Variants in MCTP2 observed in about 807,000 individuals in gnomAD.
MCTP2 encodes the protein multiple C2 and transmembrane domain containing 2, also known as multiple C2 and transmembrane domain-containing protein 2.
Under a neutral mutation model 111.6 loss-of-function variants are expected in MCTP2, and 132 were observed. The observed-to-expected ratio is 1.18, with a 90% CI of 1.03 to 1.37. The LOEUF (loss-of-function observed/expected upper bound fraction) is 1.37. Among genes scored for constraint, MCTP2 ranks in the 40% most tolerant of loss-of-function variants. The probability of loss-of-function intolerance (pLI) is 0.00; values close to 1 mark genes in which losing one functional copy is unlikely to be tolerated. For synonymous variants in MCTP2, 395 were observed against 387.7 expected (o/e 1.02, Z -0.22); for missense variants, 1,183 against 1,067.9 (o/e 1.11, Z -1.50).
chr15:94,419,454 GAAGGAAAGGGAGAGTCAGGGCAGGA>G (rs1000448740), intron 17 of MCTP2, among the ~76,000 whole-genome samples: 4 of 152,096 alleles, frequency 2.6e-5, no homozygotes, highest in African/African-American at 9.7e-5. Context: ...AGAGGGCAGG[GAAGGAAAGGGAGAGTCAGGGCAGGA>G]AAGGACATTT....
chr15:94,339,910 T>G (rs565900791), intron 5 of MCTP2, among the ~76,000 whole-genome samples: 1 of 152,322 alleles, frequency 6.6e-6, no homozygotes, highest in African/African-American at 2.4e-5. Context: ...ACAGACTATT[T>G]AAACTACAGA....
Position 94,315,523 on chromosome 15 carries a change from G to GT in MCTP2, c.529-5dup, listed in dbSNP as rs761740643. The GT allele has an allele frequency of 1.2e-6, 2 of 1,609,316 alleles. No individual in the cohort carries two copies. The highest frequency in any genetic ancestry group is 3.3e-5 in the Admixed American group (2 of 59,998). On this transcript the variant is annotated splice_region_variant and splice_polypyrimidine_tract_variant and intron_variant, in intron 3 of 22. Transcript: ENST00000357742. Reference sequence around the variant, plus strand: ...ACTGTCTTAACTGCCTTCTCCATCTGTGCAGGTACCGGGGGAAGCCAGTGA... The same window carrying GT: ...ACTGTCTTAACTGCCTTCTCCATCTGTTGCAGGTACCGGGGGAAGCCAGTGA...
chr15:94,453,518 G>A (rs2084601693), intron 19 of MCTP2, among the ~76,000 whole-genome samples: 1 of 152,232 alleles, frequency 6.6e-6, no homozygotes, highest in Non-Finnish European at 1.5e-5. Flanking sequence ...TAGTAAGGGA[G>A]ATGAGAAATG....
intron 20 of MCTP2, among the ~76,000 whole-genome samples, chr15:94,459,811 T>C (rs2085072677): frequency 6.6e-6 from 1 of 152,218 alleles, no homozygotes; most frequent in East Asian, 1.9e-4. Flanking sequence ...ATTACAATAA[T>C]GATAGCAACA....
At chr15:94,392,688 C>A (rs758806850) in intron 14 of MCTP2, among the ~76,000 whole-genome samples, 1 of 150,298 alleles carries the variant, frequency 6.7e-6, no homozygotes, top group African/African-American at 2.5e-5. Context: ...TGGTGGCATG[C>A]GCCTGTAATC....
chr15:94,274,808 A>G (rs1015959736), intron 1 of MCTP2, among the ~76,000 whole-genome samples: 5 of 152,182 alleles, frequency 3.3e-5, no homozygotes, highest in African/African-American at 7.2e-5. Context: ...ATTTTACACA[A>G]ACTTTCTAAG....
chr15:94,384,096 A>G lies in MCTP2; in HGVS notation c.1657A>G (p.Asn553Asp). The G allele has an allele frequency of 6.2e-7, 1 of 1,613,698 alleles. No homozygotes were observed. Among genetic ancestry groups the G allele is most frequent in the Non-Finnish European group, 8.5e-7 (1 of 1,179,768 alleles). Residue 553 changes from asparagine (N) to aspartate (D), a missense_variant, in exon 13 of 23, where the codon AAC becomes GAC. Transcript: ENST00000357742. ...GACGCATACCGTCTACAAAAACCTCAACCCTGAATGGAACAAAGTTTTTAC... is the reference window on the plus strand; with the variant it reads ...GACGCATACCGTCTACAAAAACCTCGACCCTGAATGGAACAAAGTTTTTAC... ...LQTHTVYKNLNPEWNKVFTFP... is the reference protein window; with the variant it reads ...LQTHTVYKNLDPEWNKVFTFP...
In MCTP2 at chr15:94,244,328, GTA is replaced by G. The variant is rs200339267; in HGVS notation, c.-66+12671_-66+12672del. ...TTTATATACACATATGTATACACAT[GTA>G]TATATACACGTATACGTATACACAT... On this transcript the variant is annotated intron_variant, in intron 1 of 22. Coordinates refer to ENST00000357742, the MANE Select transcript of MCTP2 (RefSeq NM_001385001.1). Among the ~76,000 whole-genome samples the G allele has an allele frequency of 9.7e-4, 142 of 146,058 alleles. 1 individual carries two copies. Among genetic ancestry groups the G allele is most frequent in the African/African-American group, 3.5e-3 (137 of 39,338 alleles).
chr15:94,267,550 C>A (rs1344754411), intron 1 of MCTP2, among the ~76,000 whole-genome samples: 6 of 151,958 alleles, frequency 3.9e-5, no homozygotes, highest in South Asian at 2.1e-4. Context: ...GTGTGGAGAT[C>A]TCTTTTAATT....
intron 3 of MCTP2, 98 bp from the exon 4 acceptor site, chr15:94,315,431 G>A (rs1596336214): frequency 2.5e-6 from 2 of 787,386 alleles, no homozygotes; most frequent in East Asian, 5.4e-5. Context: ...TCATCATAGT[G>A]GCCTTTCTTT....
intron 17 of MCTP2, among the ~76,000 whole-genome samples, chr15:94,435,261 A>G (rs2083409174): frequency 1.3e-5 from 2 of 152,180 alleles, no homozygotes; most frequent in African/African-American, 4.8e-5. Flanking sequence ...TGCCACCTTA[A>G]CAATACCAAA....
At chr15:94,393,725 A>C (rs2081119286) in intron 14 of MCTP2, among the ~76,000 whole-genome samples, 1 of 152,158 alleles carries the variant, frequency 6.6e-6, no homozygotes, top group Non-Finnish European at 1.5e-5. Context: ...TCAATAAGGA[A>C]AATACAAGTC....
Position 94,408,752 on chromosome 15 carries a change from C to G in MCTP2, c.2085+6733C>G, listed in dbSNP as rs1007884799. 2.0e-5 allele frequency among the ~76,000 whole-genome samples: 3 copies of G among 152,292 alleles called. No homozygotes were observed. The East Asian group carries it at 5.8e-4, about 29-fold the overall frequency. On this transcript the variant is annotated intron_variant, in intron 17 of 22. Transcript: ENST00000357742. ...GTTGTGATTCCAGACAGAATCATAG[C>G]TAGATCGACTGAAATCACTTATTCT...
intron 1 of MCTP2, among the ~76,000 whole-genome samples, chr15:94,247,297 T>G (rs1812041905): frequency 6.6e-6 from 1 of 152,120 alleles, no homozygotes; most frequent in African/African-American, 2.4e-5. Flanking sequence ...CCTGCTGCCC[T>G]TTCTTAGTCC....
intron 1 of MCTP2, among the ~76,000 whole-genome samples, chr15:94,281,180 C>T (rs1366081479): frequency 6.6e-6 from 1 of 152,096 alleles, no homozygotes; most frequent in African/African-American, 2.4e-5. Context: ...GAAGTCTCCC[C>T]CTAGTATTGT....
At chr15:94,236,081 T>TC (rs2070518622) in intron 1 of MCTP2, among the ~76,000 whole-genome samples, 1 of 152,180 alleles carries the variant, frequency 6.6e-6, no homozygotes, top group African/African-American at 2.4e-5. Flanking sequence ...AAATACCATT[T>TC]CCCATAGCGT....
At chr15:94,467,118 G>C (rs1052082422) in intron 20 of MCTP2, among the ~76,000 whole-genome samples, 1 of 152,168 alleles carries the variant, frequency 6.6e-6, no homozygotes, top group Admixed American at 6.5e-5. Context: ...CTGTAAAGTA[G>C]ATGCAGTTAT....
At chr15:94,269,628 A>T (rs1012935279) in intron 1 of MCTP2, among the ~76,000 whole-genome samples, 1 of 152,222 alleles carries the variant, frequency 6.6e-6, no homozygotes, top group African/African-American at 2.4e-5. Context: ...CCATTGCTGT[A>T]GACAGTTTTC....
At chr15:94,377,113 C>G (rs910420579) in intron 12 of MCTP2, among the ~76,000 whole-genome samples, 1 of 152,106 alleles carries the variant, frequency 6.6e-6, no homozygotes, top group Non-Finnish European at 1.5e-5. Flanking sequence ...AACGTTAAGA[C>G]TGCTTGTGTC....
Sources: gnomAD v4.1 joint callset for allele counts (sites outside exome capture counted in the v4.1 genomes callset) on GRCh38, gnomAD v4.1.1 for gene constraint, MANE v1.5 for transcripts, NCBI Gene and HGNC (gene_info 2026-07-23, HGNC 2026-07-21) for gene names.